Variants in KCNMA1 observed in about 807,000 individuals in gnomAD.
KCNMA1 encodes the protein potassium calcium-activated channel subfamily M alpha 1, also known as Calcium-activated potassium channel subunit alpha-1.
Under a neutral mutation model 140.0 loss-of-function variants are expected in KCNMA1, and 29 were observed. The observed-to-expected ratio is 0.21, with a 90% CI of 0.15 to 0.28. The LOEUF (loss-of-function observed/expected upper bound fraction) is 0.28. Among genes scored for constraint, KCNMA1 ranks in the 10% least tolerant of loss-of-function variants. The probability of loss-of-function intolerance (pLI) is 1.00; values close to 1 mark genes in which losing one functional copy is unlikely to be tolerated. For missense variants in KCNMA1, 880 were observed against 1,602.2 expected (o/e 0.55, Z 7.70); for synonymous variants, 612 against 611.9 (o/e 1.00, Z 0.00).
At chr10:77,006,776 A>T (rs1345082652) in intron 18 of KCNMA1, among the ~76,000 whole-genome samples, 1 of 152,192 alleles carries the variant, frequency 6.6e-6, no homozygotes, top group Admixed American at 6.5e-5. Flanking sequence ...ATTCTGAAGG[A>T]CCATTCAATT....
At chr10:77,057,398 A>G (rs74140274) in intron 14 of KCNMA1, among the ~76,000 whole-genome samples, 1,967 of 152,290 alleles carry the variant, frequency 0.013, 62 homozygotes, top group African/African-American at 0.044. Context: ...CTCTGAAGGA[A>G]CTGCTAACAT....
At chr10:77,617,464 C>A (rs968033827) in intron 1 of KCNMA1, among the ~76,000 whole-genome samples, 2 of 152,194 alleles carry the variant, frequency 1.3e-5, no homozygotes, top group African/African-American at 2.4e-5. Context: ...GGCAGTTATG[C>A]CCCTTAGTCC....
chr10:77,350,362 G>A (rs994085843), intron 2 of KCNMA1: 2 of 152,262 alleles, frequency 1.3e-5, no homozygotes, highest in African/African-American at 4.8e-5. Context: ...GAGTGGCTGA[G>A]TGAGCAGGAT....
At chr10:77,435,830 C>T (rs2097252015) in intron 1 of KCNMA1, among the ~76,000 whole-genome samples, 1 of 152,154 alleles carries the variant, frequency 6.6e-6, no homozygotes, top group South Asian at 2.1e-4. Flanking sequence ...CAAATGAGGA[C>T]AGAAAAGCAG....
chr10:77,124,168 G>A (rs189609121), intron 5 of KCNMA1, among the ~76,000 whole-genome samples: 4 of 152,298 alleles, frequency 2.6e-5, no homozygotes, highest in Admixed American at 2.0e-4. Flanking sequence ...CATTCTGTGT[G>A]TGCATAGATA....
At chr10:76,982,452 T>A (rs138649855) in intron 19 of KCNMA1, among the ~76,000 whole-genome samples, 13 of 152,102 alleles carry the variant, frequency 8.5e-5, no homozygotes, top group African/African-American at 2.7e-4. Context: ...ACTTGACCCA[T>A]GATGCTGAAC....
rs375486859 is a variant in KCNMA1, at chr10:77,084,582, G to A, written c.1523+55C>T. On this transcript the variant is annotated intron_variant, in intron 12 of 27. Coordinates refer to ENST00000286628, the MANE Select transcript of KCNMA1 (RefSeq NM_001161352.2). ...CCTCTGCAGAAGATCCAAAAGGGCC[G>A]TGAACAGCCACAGACTGCCAAGCCC... 457 of 1,381,498 alleles carry A rather than the reference G, an allele frequency of 3.3e-4. 2 individuals are homozygous for A. The highest frequency in any genetic ancestry group is 3.2e-3 in the Middle Eastern group (18 of 5,592). The allele number at this position is 1,381,498 out of a possible 1,614,324, so 85.6% of individuals were successfully genotyped here.
chr10:77,182,277 G>A (rs759768790), intron 5 of KCNMA1, among the ~76,000 whole-genome samples: 5 of 152,164 alleles, frequency 3.3e-5, no homozygotes, highest in Admixed American at 6.5e-5. Flanking sequence ...CATTCAGGTG[G>A]TCTATCATTA....
chr10:76,944,118 T>C (rs893294101), intron 23 of KCNMA1, among the ~76,000 whole-genome samples: 3 of 152,198 alleles, frequency 2.0e-5, no homozygotes, highest in Non-Finnish European at 2.9e-5. Flanking sequence ...TTTTGCTGTG[T>C]TGCCTTTCTG....
chr10:76,914,751 T>C (rs1013729853), intron 24 of KCNMA1, 185 bp downstream of exon 24: 12 of 560,626 alleles, frequency 2.1e-5, no homozygotes, highest in Non-Finnish European at 2.9e-5. Flanking sequence ...AGAAGAAAGA[T>C]AGATCAGTTT....
At chr10:77,102,657 T>A (rs1389802547) in intron 9 of KCNMA1, among the ~76,000 whole-genome samples, 4 of 152,044 alleles carry the variant, frequency 2.6e-5, no homozygotes, top group Non-Finnish European at 4.4e-5. Context: ...GAGTGTTAGC[T>A]CCCCCAGCTT....
intron 1 of KCNMA1, among the ~76,000 whole-genome samples, chr10:77,563,244 A>G (rs1160683163): frequency 2.0e-5 from 3 of 152,166 alleles, no homozygotes; most frequent in Admixed American, 6.5e-5. Flanking sequence ...CAAGGCCAAA[A>G]ATCAATAGCC....
At chr10:76,931,127 A>T (rs983006660) in intron 23 of KCNMA1, among the ~76,000 whole-genome samples, 1 of 152,128 alleles carries the variant, frequency 6.6e-6, no homozygotes, top group South Asian at 2.1e-4. Context: ...TTGCAAAAAG[A>T]ATAGATCTTA....
intron 1 of KCNMA1, among the ~76,000 whole-genome samples, chr10:77,582,669 T>C (rs1227299125): frequency 1.3e-5 from 2 of 152,204 alleles, no homozygotes; most frequent in Admixed American, 6.5e-5. Context: ...AAGCAAGAAG[T>C]ATTGCCTCTT....
chr10:77,318,788 G>A (rs902779056), intron 2 of KCNMA1, among the ~76,000 whole-genome samples: 7 of 152,236 alleles, frequency 4.6e-5, no homozygotes, highest in African/African-American at 1.7e-4. Flanking sequence ...GAAGAGTTGA[G>A]GAAGGTTTTT....
At chr10:77,377,570 C>CT (rs1225546855) in intron 2 of KCNMA1, among the ~76,000 whole-genome samples, 4 of 152,290 alleles carry the variant, frequency 2.6e-5, no homozygotes, top group East Asian at 3.9e-4. Flanking sequence ...ATCTGCTCTA[C>CT]TGAGAATCCC....
intron 1 of KCNMA1, among the ~76,000 whole-genome samples, chr10:77,501,602 C>T (rs780364622): frequency 6.6e-6 from 1 of 152,216 alleles, no homozygotes; most frequent in Non-Finnish European, 1.5e-5. Context: ...CCCTGCCCCC[C>T]AGCCTGATTC....
intron 1 of KCNMA1, among the ~76,000 whole-genome samples, chr10:77,489,787 G>C (rs1216732334): frequency 2.0e-5 from 3 of 152,218 alleles, no homozygotes; most frequent in Non-Finnish European, 4.4e-5. Context: ...CATTCACATG[G>C]GTGAGGTTGA....
chr10:77,093,838 C>T (rs2096868773), intron 9 of KCNMA1, among the ~76,000 whole-genome samples: 1 of 152,180 alleles, frequency 6.6e-6, no homozygotes, highest in African/African-American at 2.4e-5. Flanking sequence ...CAAAAAAGAT[C>T]CCCATCCAAA....
Sources: allele counts gnomAD v4.1 joint callset (sites outside exome capture counted in the v4.1 genomes callset), GRCh38; gene constraint gnomAD v4.1.1; transcripts MANE v1.5; gene names NCBI Gene and HGNC (gene_info 2026-07-23, HGNC 2026-07-21).